ARHGAP10: variants seen among roughly 807,000 people sequenced by gnomAD.
ARHGAP10 encodes the protein rho GTPase-activating protein 10.
ARHGAP10 carries 87 observed loss-of-function variants against 108.6 expected under a neutral mutation model. That is an observed-to-expected ratio of 0.80 (90% confidence interval 0.67 to 0.96). The LOEUF is 0.96. ARHGAP10 is among the 40% of genes least tolerant of loss of function. The pLI is 0.00. For synonymous variants in ARHGAP10, 347 were observed against 341.1 expected, an observed-to-expected ratio of 1.02 and a Z score of -0.19; for missense variants, 939 against 954.5, an observed-to-expected ratio of 0.98 and a Z score of 0.21.
intron 3 of ARHGAP10, among the ~76,000 whole-genome samples, chr4:147,827,231 A>G (rs1436027136): frequency 6.6e-6 from 1 of 151,558 alleles, no homozygotes; most frequent in African/African-American, 2.4e-5. Context: ...TTCTTTAAAT[A>G]CCTTTGAATG....
At chr4:147,869,355 G>A (rs9996209) in intron 7 of ARHGAP10, among the ~76,000 whole-genome samples, 13,679 of 152,046 alleles carry the variant, frequency 0.09, 642 homozygotes, top group East Asian at 0.16. Flanking sequence ...CTGTTGGGGG[G>A]GCGTCTGTTT....
At chr4:147,945,139 G>A (rs949161019) in intron 14 of ARHGAP10, among the ~76,000 whole-genome samples, 1 of 152,022 alleles carries the variant, frequency 6.6e-6, no homozygotes, top group Admixed American at 6.5e-5. Context: ...CCTCCCTGCC[G>A]CCATGCCACA....
At chr4:147,871,535 T>C (rs534478507) in intron 7 of ARHGAP10, among the ~76,000 whole-genome samples, 1 of 152,330 alleles carries the variant, frequency 6.6e-6, no homozygotes, top group African/African-American at 2.4e-5. Context: ...AATGTTTAAT[T>C]ACTAAAGGAT....
chr4:147,990,737 A>G (rs1409441854), intron 18 of ARHGAP10, among the ~76,000 whole-genome samples: 2 of 152,226 alleles, frequency 1.3e-5, no homozygotes, highest in African/African-American at 4.8e-5. Flanking sequence ...ACATAGGGAC[A>G]CAAAAAGGGA....
At chr4:147,932,603 T>C (rs1165537166) in intron 13 of ARHGAP10, among the ~76,000 whole-genome samples, 1 of 118,938 alleles carries the variant, frequency 8.4e-6, no homozygotes, top group East Asian at 2.6e-4. Flanking sequence ...AGCTAAATAA[T>C]AACACATGGA....
chr4:147,881,415 A>G (rs1169012763), intron 9 of ARHGAP10, among the ~76,000 whole-genome samples: 1 of 152,160 alleles, frequency 6.6e-6, no homozygotes, highest in Non-Finnish European at 1.5e-5. Context: ...AGGCGGGTGG[A>G]TCATCTGAGG....
intron 13 of ARHGAP10, among the ~76,000 whole-genome samples, chr4:147,919,355 T>A (rs1295730651): frequency 6.6e-6 from 1 of 152,208 alleles, no homozygotes; most frequent in African/African-American, 2.4e-5. Flanking sequence ...CAAACCATAC[T>A]TTTCCATAGA....
intron 1 of ARHGAP10, among the ~76,000 whole-genome samples, chr4:147,796,410 G>C (rs1248505192): frequency 2.6e-5 from 4 of 152,126 alleles, no homozygotes; most frequent in African/African-American, 9.7e-5. Flanking sequence ...AGGTTGGGAG[G>C]AGGGCCCTCC....
At chr4:148,016,737 A>G (rs1741361655) in intron 18 of ARHGAP10, among the ~76,000 whole-genome samples, 1 of 152,098 alleles carries the variant, frequency 6.6e-6, no homozygotes. Flanking sequence ...AGTCCCCAAG[A>G]CTGCCCCCTT....
At chr4:148,006,818 A>AC (rs1414382505) in intron 18 of ARHGAP10, among the ~76,000 whole-genome samples, 1 of 152,166 alleles carries the variant, frequency 6.6e-6, no homozygotes, top group Admixed American at 6.5e-5. Context: ...ATATTGTCTC[A>AC]CCCTATCAAC....
In ARHGAP10 at chr4:147,959,247, T is replaced by C. The variant is rs186247787; in HGVS notation, c.1450+3873T>C. Among the ~76,000 whole-genome samples the C allele has an allele frequency of 3.2e-3, 489 of 152,170 alleles. 1 individual carries two copies. The highest frequency in any genetic ancestry group is 0.011 in the African/African-American group (457 of 41,522). Reference sequence around the variant, plus strand: ...AAGCCCAGAGTATTTTTTTTTTTGTTTTTGAAGAAGAGGGAAAAAGACTTG... The same window carrying C: ...AAGCCCAGAGTATTTTTTTTTTTGTCTTTGAAGAAGAGGGAAAAAGACTTG... On this transcript the variant is annotated intron_variant, in intron 16 of 22. Transcript: ENST00000336498.
intron 18 of ARHGAP10, among the ~76,000 whole-genome samples, chr4:148,012,850 A>G (rs1741216681): frequency 6.6e-6 from 1 of 152,028 alleles, no homozygotes; most frequent in Admixed American, 6.5e-5. Context: ...TTAAGAAAAG[A>G]AAAAGACCCT....
chr4:147,961,095 GTA>G (rs1738973617), intron 16 of ARHGAP10, among the ~76,000 whole-genome samples: 1 of 152,140 alleles, frequency 6.6e-6, no homozygotes, highest in Non-Finnish European at 1.5e-5. Flanking sequence ...CGGTCATAGG[GTA>G]TGTGTTTGTT....
chr4:147,882,832 A>C (rs1735384445), intron 10 of ARHGAP10, among the ~76,000 whole-genome samples: 1 of 152,226 alleles, frequency 6.6e-6, no homozygotes, highest in African/African-American at 2.4e-5. Context: ...CTCCAGTAGC[A>C]TTAAGGAAAA....
In ARHGAP10 at chr4:148,072,095, A is replaced by ACCCTG. The variant is rs763049722; in HGVS notation, c.*14_*15insCCCTG. 6.2e-7 allele frequency: 1 copy of ACCCTG among 1,607,830 alleles called. No homozygotes were observed. Among genetic ancestry groups the ACCCTG allele is most frequent in the African/African-American group, 1.3e-5 (1 of 74,702 alleles). ...AAGCTGCTGTAGCTCCTGGCCTCAG[A>ACCCTG]GCCCCTGCTGACCCTGGCACCCAGG... On this transcript the variant is annotated 3_prime_UTR_variant, in exon 23 of 23. Coordinates refer to ENST00000336498, the MANE Select transcript of ARHGAP10 (RefSeq NM_024605.4).
chr4:147,891,216 A>G (rs2126885803), intron 10 of ARHGAP10, among the ~76,000 whole-genome samples: 1 of 152,366 alleles, frequency 6.6e-6, no homozygotes, highest in East Asian at 1.9e-4. Context: ...GCCAAAAAAT[A>G]GAAACAACCT....
intron 1 of ARHGAP10, among the ~76,000 whole-genome samples, chr4:147,816,311 T>C (rs576509963): frequency 3.3e-5 from 5 of 152,308 alleles, no homozygotes; most frequent in African/African-American, 1.2e-4. Flanking sequence ...TATTTGGCTA[T>C]TTTGGTGTTT....
intron 3 of ARHGAP10, among the ~76,000 whole-genome samples, chr4:147,838,478 A>AT (rs1733262613): frequency 6.6e-6 from 1 of 150,532 alleles, no homozygotes; most frequent in Non-Finnish European, 1.5e-5. Context: ...TCTCTTAAAA[A>AT]AAAAACACAC....
chr4:147,957,643 A>AGT (rs1478620402), intron 16 of ARHGAP10, among the ~76,000 whole-genome samples: 1 of 152,196 alleles, frequency 6.6e-6, no homozygotes, highest in African/African-American at 2.4e-5. Flanking sequence ...AGTCATGTGC[A>AGT]GTGGTTTCCA....
Sources: allele counts gnomAD v4.1 joint callset (sites outside exome capture counted in the v4.1 genomes callset), GRCh38; gene constraint gnomAD v4.1.1; transcripts MANE v1.5; gene names NCBI Gene and HGNC (gene_info 2026-07-23, HGNC 2026-07-21).